The following BEND5 variants were observed in gnomAD, a reference collection of about 807,000 sequenced individuals.
The protein encoded by BEND5 is BEN domain containing 5, also known as BEN domain-containing protein 5.
In BEND5, 22 loss-of-function variants were observed where a neutral mutation model predicts 43.9. The ratio of observed to expected loss-of-function variants is 0.50; its 90% CI spans 0.36 to 0.72. The LOEUF (loss-of-function observed/expected upper bound fraction) is 0.72. Among genes scored for constraint, BEND5 ranks in the 30% least tolerant of loss-of-function variants. BEND5 has a pLI of 0.00. For synonymous variants in BEND5, 228 were observed against 225.9 expected (o/e 1.01, Z -0.08); for missense variants, 428 against 550.6 (o/e 0.78, Z 2.23).
intron 2 of BEND5, among the ~76,000 whole-genome samples, chr1:48,759,891 A>T (rs1007287458): frequency 7.2e-5 from 11 of 152,230 alleles, no homozygotes; most frequent in Non-Finnish European, 1.0e-4. Flanking sequence ...CTACTCACTC[A>T]GAACTGGCAC....
chr1:48,740,306 G>C lies in BEND5; in HGVS notation c.894+2317C>G, dbSNP rs559071111. On this transcript the variant is annotated intron_variant, in intron 4 of 5. Transcript: ENST00000371833. ...GCAGAACAGACTGGTGAGAGTACTG[G>C]CCTGGGAACCAGGAGGTCTGGCTTT... Among the ~76,000 whole-genome samples, 12 of 152,322 alleles carry C rather than the reference G, an allele frequency of 7.9e-5. No homozygotes were observed. The South Asian group carries it at 2.3e-3, about 29-fold the overall frequency.
At chr1:48,753,433 ATCAGCTGCC>A (rs1652062101) in intron 3 of BEND5, among the ~76,000 whole-genome samples, 1 of 152,260 alleles carries the variant, frequency 6.6e-6, no homozygotes, top group Non-Finnish European at 1.5e-5. Context: ...TTTGGCTGAC[ATCAGCTGCC>A]TTTTCTAAGG....
At chr1:48,775,547 C>A (rs1350181347) in intron 1 of BEND5, among the ~76,000 whole-genome samples, 3 of 152,178 alleles carry the variant, frequency 2.0e-5, no homozygotes, top group Non-Finnish European at 4.4e-5. Context: ...GGTTCATTCT[C>A]CTTACCAGCA....
At chr1:48,755,319 T>C (rs984504242) in intron 3 of BEND5, among the ~76,000 whole-genome samples, 2 of 152,318 alleles carry the variant, frequency 1.3e-5, no homozygotes, top group African/African-American at 4.8e-5. Flanking sequence ...GAGTAAATAA[T>C]GATTCTTCCA....
chr1:48,745,606 C>G (rs1570466159), intron 3 of BEND5, among the ~76,000 whole-genome samples: 3 of 152,260 alleles, frequency 2.0e-5, no homozygotes, highest in South Asian at 4.2e-4. Context: ...TCCTTTTGTC[C>G]AGAACATTCT....
At chr1:48,756,812 T>C (rs1218577581) in intron 3 of BEND5, among the ~76,000 whole-genome samples, 3 of 152,138 alleles carry the variant, frequency 2.0e-5, no homozygotes, top group Non-Finnish European at 4.4e-5. Flanking sequence ...CCTGAGAGGA[T>C]AGGGTGGGTG....
At chr1:48,754,206 C>T (rs528086199) in intron 3 of BEND5, among the ~76,000 whole-genome samples, 2 of 152,134 alleles carry the variant, frequency 1.3e-5, no homozygotes, top group Non-Finnish European at 2.9e-5. Context: ...GAGGAGAAAC[C>T]AAGAGAGACC....
intron 4 of BEND5, among the ~76,000 whole-genome samples, chr1:48,737,477 C>A (rs1012001451): frequency 1.3e-5 from 2 of 152,094 alleles, no homozygotes; most frequent in Non-Finnish European, 2.9e-5. Flanking sequence ...CAGTCCTTTC[C>A]CACCTCTGAG....
At chr1:48,775,239 C>T (rs72681066) in intron 1 of BEND5, among the ~76,000 whole-genome samples, 3,385 of 152,214 alleles carry the variant, frequency 0.022, 65 homozygotes, top group Non-Finnish European at 0.036. Context: ...TGGATAGAGC[C>T]TGTCAAAAAG....
Position 48,727,729 on chromosome 1 carries a change from G to C in BEND5, c.*157C>G. 1 of 559,036 alleles carries C rather than the reference G, an allele frequency of 1.8e-6. No homozygotes were observed. The highest frequency in any genetic ancestry group is 3.0e-6 in the Non-Finnish European group (1 of 334,270). The allele number at this position is 559,036 out of a possible 1,614,324, so 34.6% of individuals were successfully genotyped here. On this transcript the variant is annotated 3_prime_UTR_variant, in exon 6 of 6. Transcript: ENST00000371833. ...TCAGCAAAGCCATCTGTCGTCTTTG[G>C]AGTGTCCACATTCAGAACAAGCCGC...
At chr1:48,755,862 A>T (rs1245569629) in intron 3 of BEND5, among the ~76,000 whole-genome samples, 1 of 152,222 alleles carries the variant, frequency 6.6e-6, no homozygotes, top group Non-Finnish European at 1.5e-5. Context: ...CATTTGGTCA[A>T]TGTTAGCTGA....
intron 1 of BEND5, among the ~76,000 whole-genome samples, chr1:48,763,476 G>C (rs1029994165): frequency 3.3e-5 from 5 of 152,146 alleles, no homozygotes; most frequent in Admixed American, 2.0e-4. Context: ...TTTTTTGTGT[G>C]TGTGTATGTG....
chr1:48,762,619 T>C (rs1423951161), intron 1 of BEND5, among the ~76,000 whole-genome samples: 3 of 40,748 alleles, frequency 7.4e-5, no homozygotes, highest in Non-Finnish European at 1.5e-4. Context: ...GGGTTTTGTG[T>C]GTGTGTGTGT....
intron 3 of BEND5, among the ~76,000 whole-genome samples, chr1:48,750,857 G>T (rs910591302): frequency 2.6e-5 from 4 of 152,078 alleles, no homozygotes; most frequent in African/African-American, 9.7e-5. Flanking sequence ...TGAACTCTGG[G>T]GTTCCTTATA....
intron 5 of BEND5, among the ~76,000 whole-genome samples, chr1:48,734,401 T>C (rs1272505386): frequency 6.6e-6 from 1 of 152,226 alleles, no homozygotes; most frequent in South Asian, 2.1e-4. Context: ...CCTTAGTCTA[T>C]GGCAGCAGCA....
intron 2 of BEND5, 199 bp downstream of exon 2, chr1:48,761,138 G>C: frequency 1.8e-6 from 1 of 566,336 alleles, no homozygotes; most frequent in South Asian, 2.2e-5. Context: ...GGCACAGCAT[G>C]AATCAGGGCT....
chr1:48,760,810 G>A (rs1644218284), intron 2 of BEND5, among the ~76,000 whole-genome samples: 1 of 152,152 alleles, frequency 6.6e-6, no homozygotes, highest in Non-Finnish European at 1.5e-5. Flanking sequence ...AAGATTTTCA[G>A]CAGTTTCCAA....
chr1:48,748,372 A>G (rs1271745871), intron 3 of BEND5, among the ~76,000 whole-genome samples: 2 of 152,216 alleles, frequency 1.3e-5, no homozygotes, highest in East Asian at 1.9e-4. Flanking sequence ...GAATCTACTA[A>G]GTACCTCCTG....
Position 48,727,645 on chromosome 1 carries a change from C to A in BEND5, c.*241G>T, listed in dbSNP as rs1417237788. ...GCAACTCAGGCAACCTTATCCCCCTCCAAGAAGAGTGTTTTCCCCATTCCC... is the reference window on the plus strand; with the variant it reads ...GCAACTCAGGCAACCTTATCCCCCTACAAGAAGAGTGTTTTCCCCATTCCC... On this transcript the variant is annotated 3_prime_UTR_variant, in exon 6 of 6. Coordinates refer to ENST00000371833, the MANE Select transcript of BEND5 (RefSeq NM_024603.4). 3 of 301,772 alleles carry A rather than the reference C, an allele frequency of 9.9e-6. No homozygotes were observed. The highest frequency in any genetic ancestry group is 1.8e-5 in the Non-Finnish European group (3 of 164,668). 18.7% of individuals were successfully genotyped at this position (301,772 alleles called of 1,614,324 possible).
Sources: gnomAD v4.1 joint callset for allele counts (sites outside exome capture counted in the v4.1 genomes callset) on GRCh38, gnomAD v4.1.1 for gene constraint, MANE v1.5 for transcripts, NCBI Gene and HGNC (gene_info 2026-07-23, HGNC 2026-07-21) for gene names.